Variants in PTPRG observed in about 807,000 individuals in gnomAD.
The protein encoded by PTPRG is receptor-type tyrosine-protein phosphatase gamma.
Under a neutral mutation model 165.3 loss-of-function variants are expected in PTPRG, and 102 were observed. The ratio of observed to expected loss-of-function variants is 0.62; its 90% CI spans 0.53 to 0.73. PTPRG has a LOEUF of 0.73. PTPRG is among the 30% of genes least tolerant of loss of function. The probability of loss-of-function intolerance (pLI) is 0.00; values close to 1 mark genes in which losing one functional copy is unlikely to be tolerated. For missense variants in PTPRG, 1,866 were observed against 1,861.4 expected, an observed-to-expected ratio of 1.00 and a Z score of -0.05; for synonymous variants, 675 against 669.5, an observed-to-expected ratio of 1.01 and a Z score of -0.13.
intron 2 of PTPRG, among the ~76,000 whole-genome samples, chr3:61,860,882 T>A (rs966633062): frequency 1.5e-4 from 23 of 151,620 alleles, no homozygotes; most frequent in Middle Eastern, 3.4e-3. Flanking sequence ...TGGTGTAGAT[T>A]CATGTATCCG....
At position 61,813,340 on chromosome 3, in the gene PTPRG, A is replaced by G. The variant is rs553519120; in HGVS notation, c.190+64358A>G. 2.7e-5 allele frequency among the ~76,000 whole-genome samples: 4 copies of G among 150,052 alleles called. No individual in the cohort carries two copies. The South Asian group carries it at 8.5e-4, about 32-fold the overall frequency. On this transcript the variant is annotated intron_variant, in intron 2 of 29. Coordinates refer to ENST00000474889, the MANE Select transcript of PTPRG (RefSeq NM_002841.4). ...CCCCATGATTACTAAAAAAAAAAAA[A>G]AAAAAATAGAAAAAAAATAGAAAAA...
At position 61,609,074 on chromosome 3, in the gene PTPRG, A is replaced by G. The variant is rs1477860616; in HGVS notation, c.85+46702A>G. Among the ~76,000 whole-genome samples, 6 of 152,186 alleles carry G rather than the reference A, an allele frequency of 3.9e-5. No individual in the cohort carries two copies. In the East Asian group the frequency reaches 1.2e-3, roughly 29 times the overall value. ...GGTCTCTAGAGAGGGTTAGATATAGATTGATACTAAACTATGACCTTTTCC... is the reference window on the plus strand; with the variant it reads ...GGTCTCTAGAGAGGGTTAGATATAGGTTGATACTAAACTATGACCTTTTCC... On this transcript the variant is annotated intron_variant, in intron 1 of 29. Transcript: ENST00000474889.
chr3:62,026,973 C>T (rs1165358507), intron 4 of PTPRG, among the ~76,000 whole-genome samples: 1 of 150,072 alleles, frequency 6.7e-6, no homozygotes, highest in East Asian at 2.0e-4. Flanking sequence ...AGATGCCAGA[C>T]ATATGGGCAA....
At chr3:61,672,563 TAAG>T (rs1703046541) in intron 1 of PTPRG, among the ~76,000 whole-genome samples, 1 of 123,600 alleles carries the variant, frequency 8.1e-6, no homozygotes, top group African/African-American at 3.0e-5. Flanking sequence ...ACCAAAAAAA[TAAG>T]AAAACCAGTC....
intron 1 of PTPRG, among the ~76,000 whole-genome samples, chr3:61,589,330 T>C (rs963820764): frequency 1.3e-5 from 2 of 152,164 alleles, no homozygotes; most frequent in Non-Finnish European, 2.9e-5. Flanking sequence ...TACCATCTCA[T>C]TAAGGAAACT....
chr3:62,275,897 T>C lies in PTPRG; in HGVS notation c.3490T>C (p.Tyr1164His). 1 of 1,611,096 alleles carries C rather than the reference T, an allele frequency of 6.2e-7. No individual in the cohort carries two copies. Among genetic ancestry groups the C allele is most frequent in the Non-Finnish European group, 8.5e-7 (1 of 1,178,180 alleles). The change falls in exon 24 of 30, where the codon TAT becomes CAT. Residue 1164 changes from tyrosine (Y) to histidine (H), a missense_variant. Tyr to His is a moderately conservative substitution (Grantham distance 83, BLOSUM62 2). Transcript: ENST00000474889. ...FKLVTQCNAK[Y>H]VECFSAQKEC... ...GCTGGTCACACAGTGTAATGCAAAA[T>C]ATGTGGAATGTTTCAGTGCTCAGAA...
intron 4 of PTPRG, among the ~76,000 whole-genome samples, chr3:62,035,060 G>C (rs764310213): frequency 1.3e-5 from 2 of 152,108 alleles, no homozygotes; most frequent in African/African-American, 4.8e-5. Flanking sequence ...CCAGGCCTCT[G>C]AGCAAGTTAG....
intron 2 of PTPRG, among the ~76,000 whole-genome samples, chr3:61,827,251 T>C (rs2036140934): frequency 6.6e-6 from 1 of 152,256 alleles, no homozygotes; most frequent in Non-Finnish European, 1.5e-5. Context: ...TGTAAGATTC[T>C]ATTTGGAGGA....
intron 5 of PTPRG, among the ~76,000 whole-genome samples, chr3:62,090,461 T>C (rs1701890873): frequency 6.6e-6 from 1 of 152,138 alleles, no homozygotes; most frequent in Non-Finnish European, 1.5e-5. Context: ...TAGGGTCATA[T>C]CTGAACTTAG....
chr3:61,724,890 T>C (rs1162956543), intron 1 of PTPRG, among the ~76,000 whole-genome samples: 7 of 152,108 alleles, frequency 4.6e-5, no homozygotes, highest in Non-Finnish European at 1.0e-4. Flanking sequence ...CCATCAGATA[T>C]GTGGTTTGCA....
intron 2 of PTPRG, among the ~76,000 whole-genome samples, chr3:61,768,651 C>T (rs1181904006): frequency 6.6e-6 from 1 of 152,196 alleles, no homozygotes; most frequent in Non-Finnish European, 1.5e-5. Flanking sequence ...GGTTTCTTTG[C>T]TGCAAGACTT....
chr3:61,924,527 A>G (rs1054794915), intron 2 of PTPRG, among the ~76,000 whole-genome samples: 3 of 152,254 alleles, frequency 2.0e-5, no homozygotes, highest in Non-Finnish European at 4.4e-5. Flanking sequence ...AATTGGCACA[A>G]ATTGTTCAGC....
At chr3:62,262,611 T>G (rs1490364236) in intron 16 of PTPRG, 187 bp from the exon 17 acceptor site, 4 of 438,188 alleles carry the variant, frequency 9.1e-6, no homozygotes, top group Non-Finnish European at 1.6e-5. Flanking sequence ...AATAATGAAA[T>G]CTTTATACCT....
chr3:62,184,761 A>G (rs1353034070), intron 8 of PTPRG, among the ~76,000 whole-genome samples: 6 of 152,212 alleles, frequency 3.9e-5, no homozygotes, highest in East Asian at 1.9e-4. Context: ...AGGAAGCAGC[A>G]GTTTCATCTG....
chr3:61,844,863 C>T (rs1480849025), intron 2 of PTPRG, among the ~76,000 whole-genome samples: 1 of 152,102 alleles, frequency 6.6e-6, no homozygotes, highest in Non-Finnish European at 1.5e-5. Flanking sequence ...TTTCATCAGA[C>T]TTTAAAGGGA....
intron 2 of PTPRG, among the ~76,000 whole-genome samples, chr3:61,792,798 G>A (rs541096750): frequency 3.3e-5 from 5 of 151,094 alleles, no homozygotes; most frequent in Non-Finnish European, 7.4e-5. Context: ...GCGTGATCTC[G>A]GCTCACTGCA....
chr3:62,260,529 T>G (rs1270522734), intron 16 of PTPRG, among the ~76,000 whole-genome samples: 1 of 152,228 alleles, frequency 6.6e-6, no homozygotes, highest in Non-Finnish European at 1.5e-5. Flanking sequence ...CCTTCTCCTA[T>G]GCTTATGTGC....
chr3:61,670,994 A>G (rs1019220709), intron 1 of PTPRG, among the ~76,000 whole-genome samples: 1 of 152,016 alleles, frequency 6.6e-6, no homozygotes, highest in South Asian at 2.1e-4. Context: ...CGTTGAAAAT[A>G]TGATTCAATT....
intron 2 of PTPRG, among the ~76,000 whole-genome samples, chr3:61,976,572 A>G (rs2040511967): frequency 6.6e-6 from 1 of 152,206 alleles, no homozygotes; most frequent in Non-Finnish European, 1.5e-5. Flanking sequence ...TAGAATATTG[A>G]CTTCCTTTTT....
Sources: allele counts gnomAD v4.1 joint callset (sites outside exome capture counted in the v4.1 genomes callset), GRCh38; gene constraint gnomAD v4.1.1; transcripts MANE v1.5; gene names NCBI Gene and HGNC (gene_info 2026-07-23, HGNC 2026-07-21).